Variants in SLC9A9 observed in about 807,000 individuals in gnomAD.
SLC9A9 encodes solute carrier family 9 member A9.
A neutral mutation model predicts 77.8 loss-of-function variants in SLC9A9; 62 were observed. That is an observed-to-expected ratio of 0.80 (90% CI 0.65 to 0.98). The LOEUF is 0.98. SLC9A9 is among the 50% of genes least tolerant of loss of function. The pLI is 0.00. For synonymous variants in SLC9A9, 320 were observed against 283.5 expected (o/e 1.13, Z -1.29); for missense variants, 775 against 774.9 (o/e 1.00, Z 0.00).
chr3:143,754,406 G>A (rs1576703771), intron 4 of SLC9A9, among the ~76,000 whole-genome samples: 2 of 152,208 alleles, frequency 1.3e-5, no homozygotes, highest in Admixed American at 1.3e-4. Context: ...CTTTGTTATG[G>A]TTTTCCTTTT....
At chr3:143,544,972 G>A (rs2036761182) in intron 9 of SLC9A9, among the ~76,000 whole-genome samples, 1 of 152,058 alleles carries the variant, frequency 6.6e-6, no homozygotes, top group African/African-American at 2.4e-5. Flanking sequence ...GACCAGATGG[G>A]TGTAGTAGGT....
At chr3:143,333,221 C>G (rs1322547480) in intron 14 of SLC9A9, among the ~76,000 whole-genome samples, 1 of 151,928 alleles carries the variant, frequency 6.6e-6, no homozygotes, top group Non-Finnish European at 1.5e-5. Context: ...CAAACAGTAC[C>G]AAGAACCACC....
At chr3:143,798,086 G>C (rs763850419) in intron 2 of SLC9A9, among the ~76,000 whole-genome samples, 1 of 152,086 alleles carries the variant, frequency 6.6e-6, no homozygotes, top group Non-Finnish European at 1.5e-5. Context: ...TTTTAAATCC[G>C]GTAAGCGGAC....
intron 6 of SLC9A9, among the ~76,000 whole-genome samples, chr3:143,613,598 G>A (rs1436579487): frequency 1.3e-5 from 2 of 151,990 alleles, no homozygotes; most frequent in Non-Finnish European, 2.9e-5. Context: ...ACTTTCTTTT[G>A]TTTTTTTATA....
At chr3:143,473,205 C>T (rs141079762) in intron 11 of SLC9A9, among the ~76,000 whole-genome samples, 22 of 152,344 alleles carry the variant, frequency 1.4e-4, no homozygotes, top group African/African-American at 4.6e-4. Context: ...CCGAACCACT[C>T]TCTGGTCTTG....
intron 5 of SLC9A9, among the ~76,000 whole-genome samples, chr3:143,661,811 C>T (rs546331298): frequency 6.6e-6 from 1 of 152,220 alleles, no homozygotes; most frequent in East Asian, 1.9e-4. Flanking sequence ...AGGTGTAAGC[C>T]ACTGTGTCCG....
intron 6 of SLC9A9, among the ~76,000 whole-genome samples, chr3:143,580,420 A>T (rs532640559): frequency 6.6e-6 from 1 of 152,248 alleles, no homozygotes; most frequent in South Asian, 2.1e-4. Flanking sequence ...CTCCACCTCC[A>T]TAACTTCCAG....
chr3:143,541,109 C>T (rs1185582107), intron 9 of SLC9A9, among the ~76,000 whole-genome samples: 12 of 152,154 alleles, frequency 7.9e-5, no homozygotes, highest in South Asian at 2.1e-4. Flanking sequence ...GAATTAATCC[C>T]CTCCCATTGC....
At chr3:143,295,368 G>A (rs2030218721) in intron 14 of SLC9A9, among the ~76,000 whole-genome samples, 1 of 152,216 alleles carries the variant, frequency 6.6e-6, no homozygotes, top group Admixed American at 6.5e-5. Flanking sequence ...TGGCTTTCCT[G>A]ATGCAGACAG....
chr3:143,480,715 GGTTA>G (rs2035559653), intron 11 of SLC9A9, among the ~76,000 whole-genome samples: 1 of 152,144 alleles, frequency 6.6e-6, no homozygotes, highest in South Asian at 2.1e-4. Context: ...ACCTCTGCCC[GGTTA>G]GCTGTTAGTG....
At chr3:143,841,913 C>G (rs549918055) in intron 1 of SLC9A9, among the ~76,000 whole-genome samples, 29 of 152,224 alleles carry the variant, frequency 1.9e-4, no homozygotes, top group Non-Finnish European at 3.4e-4. Context: ...GCCACTATAC[C>G]TGGCTAATTT....
At chr3:143,383,998 CA>C (rs2033362626) in intron 12 of SLC9A9, among the ~76,000 whole-genome samples, 1 of 152,192 alleles carries the variant, frequency 6.6e-6, no homozygotes, top group Non-Finnish European at 1.5e-5. Flanking sequence ...ACCAAGGGAA[CA>C]AATTAATAGC....
At chr3:143,481,438 C>G (rs1240043796) in intron 11 of SLC9A9, among the ~76,000 whole-genome samples, 1 of 152,098 alleles carries the variant, frequency 6.6e-6, no homozygotes, top group African/African-American at 2.4e-5. Context: ...CCTTAGCATG[C>G]TGAAGGAACC....
At chr3:143,427,719 A>G (rs1308379428) in intron 12 of SLC9A9, among the ~76,000 whole-genome samples, 5 of 152,246 alleles carry the variant, frequency 3.3e-5, no homozygotes, top group African/African-American at 7.2e-5. Flanking sequence ...AGGTTCTGAT[A>G]GTTCATCTTT....
chr3:143,558,047 C>A (rs1390638363), intron 8 of SLC9A9, among the ~76,000 whole-genome samples: 1 of 152,218 alleles, frequency 6.6e-6, no homozygotes. Flanking sequence ...ATGGGCCTGG[C>A]CCAGGGCCCC....
At chr3:143,801,706 T>C (rs2008565146) in intron 2 of SLC9A9, among the ~76,000 whole-genome samples, 1 of 152,130 alleles carries the variant, frequency 6.6e-6, no homozygotes, top group African/African-American at 2.4e-5. Flanking sequence ...CTATGCTATA[T>C]ATCTTCCACA....
chr3:143,653,773 C>T (rs528955443), intron 5 of SLC9A9, among the ~76,000 whole-genome samples: 2 of 152,062 alleles, frequency 1.3e-5, no homozygotes, highest in East Asian at 1.9e-4. Flanking sequence ...GGAAGAGGCC[C>T]GGATTCATGC....
At chr3:143,532,147 A>C (rs1344736857) in intron 9 of SLC9A9, among the ~76,000 whole-genome samples, 2 of 152,240 alleles carry the variant, frequency 1.3e-5, no homozygotes, top group Non-Finnish European at 2.9e-5. Context: ...TAAGTGTCTA[A>C]TATGATAAAC....
chr3:143,653,494 G>T (rs2038834513), intron 5 of SLC9A9, among the ~76,000 whole-genome samples: 1 of 152,118 alleles, frequency 6.6e-6, no homozygotes, highest in African/African-American at 2.4e-5. Flanking sequence ...TATTTCATGG[G>T]TGGTGAGGTT....
Sources: gnomAD v4.1 joint callset for allele counts (sites outside exome capture counted in the v4.1 genomes callset) on GRCh38, gnomAD v4.1.1 for gene constraint, MANE v1.5 for transcripts, NCBI Gene and HGNC (gene_info 2026-07-23, HGNC 2026-07-21) for gene names.